Variants in SAMD8 observed in about 807,000 individuals in gnomAD.
The protein encoded by SAMD8 is sterile alpha motif domain containing 8.
In SAMD8, 20 loss-of-function variants were observed where a neutral mutation model predicts 42.0. The ratio of observed to expected loss-of-function variants is 0.48; its 90% CI spans 0.34 to 0.69. SAMD8 has a LOEUF of 0.69. Among genes scored for constraint, SAMD8 ranks in the 30% least tolerant of loss-of-function variants. The pLI is 0.01. For synonymous variants in SAMD8, 162 were observed against 173.0 expected (o/e 0.94, Z 0.50); for missense variants, 328 against 511.6 (o/e 0.64, Z 3.46).
upstream of SAMD8, chr10:75,109,053 G>C (rs751360691): frequency 3.1e-6 from 5 of 1,611,844 alleles, no homozygotes; most frequent in Non-Finnish European, 4.2e-6. Context: ...CCACACGGCT[G>C]CAAGAAGACT....
In SAMD8 at chr10:75,104,217, A is replaced by C. The variant is rs948561173; in HGVS notation, c.-16+4489A>C. On this transcript the variant is annotated intron_variant, in intron 1 of 3. Coordinates refer to the SAMD8 transcript ENST00000447533. ...CCTGCTTCTGCCTTGAGCCCTGTGC[A>C]TAAGGTCAAGTGAGTGCAGCTGCTG... is the stretch of plus-strand genomic sequence containing the variant. 6.5e-6 allele frequency: 4 copies of C among 610,936 alleles called. No homozygotes were observed. In the Admixed American group the frequency reaches 1.2e-4, roughly 18 times the overall value. The allele number at this position is 610,936 out of a possible 1,614,324, so 37.8% of individuals were successfully genotyped here.
intron 1 of SAMD8, among the ~76,000 whole-genome samples, chr10:75,133,415 G>A (rs766463311): frequency 6.6e-6 from 1 of 152,018 alleles, no homozygotes; most frequent in Non-Finnish European, 1.5e-5. Flanking sequence ...AAAATAAAAT[G>A]AAATAGAACT....
At chr10:75,110,962 T>C (rs936149490), upstream of SAMD8, among the ~76,000 whole-genome samples, 1 of 152,022 alleles carries the variant, frequency 6.6e-6, no homozygotes, top group African/African-American at 2.4e-5. Flanking sequence ...ATTACAGGTA[T>C]GCACCACCAC....
chr10:75,162,995 G>A (rs111497205), intron 2 of SAMD8, among the ~76,000 whole-genome samples: 15 of 151,616 alleles, frequency 9.9e-5, no homozygotes, highest in South Asian at 2.1e-4. Flanking sequence ...CAACGATCTC[G>A]GCTCACTGCA....
chr10:75,160,716 G>A (rs987842532), intron 2 of SAMD8, among the ~76,000 whole-genome samples: 2 of 152,136 alleles, frequency 1.3e-5, no homozygotes, highest in Non-Finnish European at 2.9e-5. Flanking sequence ...AGAACGCTAA[G>A]TACCTGTTGT....
At chr10:75,148,719 A>G (rs1229241831) in intron 1 of SAMD8, among the ~76,000 whole-genome samples, 1 of 152,196 alleles carries the variant, frequency 6.6e-6, no homozygotes, top group Non-Finnish European at 1.5e-5. Flanking sequence ...CCAACAATGC[A>G]TTTATAAGGC....
At chr10:75,144,075 CT>C in intron 1 of SAMD8, among the ~76,000 whole-genome samples, 1 of 150,528 alleles carries the variant, frequency 6.6e-6, no homozygotes, top group East Asian at 2.0e-4. Context: ...TCAAGTGATT[CT>C]CCTGCCTCAG....
At chr10:75,132,818 A>G (rs1266768851) in intron 1 of SAMD8, among the ~76,000 whole-genome samples, 2 of 151,740 alleles carry the variant, frequency 1.3e-5, no homozygotes, top group East Asian at 3.9e-4. Flanking sequence ...GGGAGACCCT[A>G]TCTCTACAAA....
At chr10:75,138,316 G>A (rs891328098) in intron 1 of SAMD8, among the ~76,000 whole-genome samples, 1 of 152,164 alleles carries the variant, frequency 6.6e-6, no homozygotes, top group African/African-American at 2.4e-5. Flanking sequence ...TTTTAGTCAG[G>A]TCACCATTTC....
At chr10:75,123,082 G>C (rs1849041310) in intron 1 of SAMD8, among the ~76,000 whole-genome samples, 1 of 152,082 alleles carries the variant, frequency 6.6e-6, no homozygotes, top group African/African-American at 2.4e-5. Context: ...TCTCCATAGT[G>C]CCAGGTGGAG....
rs1328429688 is a variant in SAMD8, at chr10:75,179,496, G to A, written c.*2804G>A. On this transcript the variant is annotated 3_prime_UTR_variant, in exon 6 of 6. Transcript: ENST00000542569. The stretch of plus-strand genomic sequence containing the variant: ...ACATTGAGAGACCTAACAACAGACT[G>A]CAATGGGGATTGTAAAATAACTTTT... 1 of 152,196 alleles carries A rather than the reference G, an allele frequency of 6.6e-6. No homozygotes were observed. The highest frequency in any genetic ancestry group is 1.9e-4 in the East Asian group (1 of 5,204). The allele number at this position is 152,196 out of a possible 1,614,324, so 9.4% of individuals were successfully genotyped here.
intron 1 of SAMD8, among the ~76,000 whole-genome samples, chr10:75,142,767 C>T (rs774395773): frequency 6.6e-6 from 1 of 152,048 alleles, no homozygotes; most frequent in Non-Finnish European, 1.5e-5. Context: ...AGGCCGGGTG[C>T]AGTGCCTCCC....
intron 1 of SAMD8, among the ~76,000 whole-genome samples, chr10:75,114,959 TTG>T (rs1390121054): frequency 6.6e-6 from 1 of 152,202 alleles, no homozygotes; most frequent in Non-Finnish European, 1.5e-5. Flanking sequence ...TTTTGAATGA[TTG>T]TGGTATTTGG....
chr10:75,118,974 C>T (rs1848944039), intron 1 of SAMD8, among the ~76,000 whole-genome samples: 1 of 152,160 alleles, frequency 6.6e-6, no homozygotes, highest in South Asian at 2.1e-4. Context: ...TGTATTTCAG[C>T]TTCAGTGCAT....
chr10:75,108,356 A>C, upstream of SAMD8: 1 of 1,391,150 alleles, frequency 7.2e-7, no homozygotes, highest in Non-Finnish European at 9.4e-7. Flanking sequence ...GTCTGACTCC[A>C]CAGCCCTATA....
At chr10:75,141,538 CTTTTTT>C (rs60925019) in intron 1 of SAMD8, among the ~76,000 whole-genome samples, 1 of 134,826 alleles carries the variant, frequency 7.4e-6, no homozygotes. Flanking sequence ...ATGCCTTTTA[CTTTTTT>C]TTTTTTTTTT....
upstream of SAMD8, chr10:75,107,963 GGGATATGGGCTT>G (rs750316726): frequency 6.3e-7 from 1 of 1,589,798 alleles, no homozygotes; most frequent in Admixed American, 1.8e-5. Context: ...TGAGCAAGAT[GGGATATGGGCTT>G]GGACCCCAAG....
intron 1 of SAMD8, among the ~76,000 whole-genome samples, chr10:75,128,801 G>A (rs148663692): frequency 9.9e-5 from 15 of 152,214 alleles, no homozygotes; most frequent in African/African-American, 3.6e-4. Flanking sequence ...CAGATTAAAG[G>A]AAGTGAATAG....
upstream of SAMD8, among the ~76,000 whole-genome samples, chr10:75,110,211 C>T (rs970151015): frequency 1.3e-5 from 2 of 152,092 alleles, no homozygotes; most frequent in South Asian, 2.1e-4. Context: ...AATGGGGAGA[C>T]GGGAGGTGAG....
Sources: gnomAD v4.1 joint callset for allele counts (sites outside exome capture counted in the v4.1 genomes callset) on GRCh38, gnomAD v4.1.1 for gene constraint, MANE v1.5 for transcripts, NCBI Gene and HGNC (gene_info 2026-07-23, HGNC 2026-07-21) for gene names.